ANXA2: variants seen among roughly 807,000 people sequenced by gnomAD.
ANXA2 encodes the protein annexin II.
A neutral mutation model predicts 47.3 loss-of-function variants in ANXA2; 28 were observed. The ratio of observed to expected loss-of-function variants is 0.59; its 90% CI spans 0.44 to 0.81. ANXA2 has a LOEUF of 0.81. ANXA2 is among the 40% of genes least tolerant of loss of function. The pLI, the probability that ANXA2 is intolerant of heterozygous loss-of-function variation, is 0.00. For missense variants in ANXA2, 384 were observed against 414.3 expected (o/e 0.93, Z 0.64); for synonymous variants, 172 against 155.5 (o/e 1.11, Z -0.79).
At chr15:60,354,746 A>G (rs2085037) in intron 7 of ANXA2, among the ~76,000 whole-genome samples, 120,094 of 151,952 alleles carry the variant, frequency 0.79, 47,896 homozygotes, top group African/African-American at 0.87. Context: ...CCCCCCCTTG[A>G]TACCCAGTCC....
At chr15:60,355,555 CA>C in intron 7 of ANXA2, 2 of 354,336 alleles carry the variant, frequency 5.6e-6, no homozygotes, top group East Asian at 1.4e-4. Context: ...GAAGTAAACG[CA>C]GTGAAAAAGA....
intron 5 of ANXA2, among the ~76,000 whole-genome samples, chr15:60,359,675 T>C (rs956879429): frequency 6.6e-6 from 1 of 152,192 alleles, no homozygotes; most frequent in African/African-American, 2.4e-5. Context: ...CCCTCACTCT[T>C]GTGTTCTCTG....
chr15:60,366,354 A>C (rs1279176427), intron 3 of ANXA2, among the ~76,000 whole-genome samples: 3 of 143,074 alleles, frequency 2.1e-5, no homozygotes, highest in African/African-American at 8.0e-5. Context: ...CCAGTCTGGA[A>C]AGTGAGGAGC....
intron 4 of ANXA2, 110 bp from the exon 5 acceptor site, chr15:60,361,164 C>T: frequency 1.3e-6 from 1 of 758,740 alleles, no homozygotes; most frequent in Non-Finnish European, 2.3e-6. Flanking sequence ...AGTCTTTGAC[C>T]ACTCCGGAGT....
At chr15:60,354,066 C>T (rs192805338) in intron 8 of ANXA2, 88 bp downstream of exon 8, 1 of 1,022,064 alleles carries the variant, frequency 9.8e-7, no homozygotes, top group African/African-American at 1.6e-5. Flanking sequence ...GTTTGGGAGT[C>T]ATTTGTCACA....
intron 3 of ANXA2, among the ~76,000 whole-genome samples, chr15:60,378,881 G>C (rs1438214178): frequency 6.6e-6 from 1 of 152,050 alleles, no homozygotes; most frequent in African/African-American, 2.4e-5. Flanking sequence ...CATGAGAATA[G>C]CTTGAACCCA....
intron 3 of ANXA2, among the ~76,000 whole-genome samples, chr15:60,381,706 T>TA (rs899530024): frequency 1.6e-4 from 24 of 151,500 alleles, no homozygotes; most frequent in African/African-American, 4.4e-4. Flanking sequence ...TACCGGGGTT[T>TA]AAAAAAAACA....
At position 60,357,050 on chromosome 15, in the gene ANXA2, A is replaced by G. The variant is rs1331093241; in HGVS notation, c.448+96T>C. 7.2e-6 allele frequency: 8 copies of G among 1,106,486 alleles called. No homozygotes were observed. The African/African-American group carries it at 1.2e-4, about 17-fold the overall frequency. The allele number at this position is 1,106,486 out of a possible 1,614,324, so 68.5% of individuals were successfully genotyped here. On this transcript the variant is annotated intron_variant, in intron 6 of 12. Coordinates refer to ENST00000451270, the MANE Select transcript of ANXA2 (RefSeq NM_004039.3). ...TGGCAGGCACTTCTGCACATCACTAATGCAGGCATCTTAGCCCGAACCCTA... is the reference window on the plus strand; with the variant it reads ...TGGCAGGCACTTCTGCACATCACTAGTGCAGGCATCTTAGCCCGAACCCTA...
chr15:60,397,779 C>T (rs1386117652), intron 1 of ANXA2, 164 bp downstream of exon 1: 8 of 1,194,326 alleles, frequency 6.7e-6, no homozygotes, highest in African/African-American at 1.6e-5. Context: ...GAGCCCCCTC[C>T]CCAAAGACTC....
At chr15:60,395,127 G>A (rs2063064363) in intron 1 of ANXA2, among the ~76,000 whole-genome samples, 1 of 152,304 alleles carries the variant, frequency 6.6e-6, no homozygotes, top group East Asian at 1.9e-4. Context: ...GGAACAGCTG[G>A]ATTAAAGGGG....
chr15:60,391,685 GAAAATAA>G (rs2063013186), intron 1 of ANXA2, among the ~76,000 whole-genome samples: 1 of 152,072 alleles, frequency 6.6e-6, no homozygotes, highest in Non-Finnish European at 1.5e-5. Context: ...TGTTTTGAAT[GAAAATAA>G]AAAATAAAGC....
chr15:60,365,845 T>TCCCCCC (rs2062587979), intron 3 of ANXA2, among the ~76,000 whole-genome samples: 1 of 56,728 alleles, frequency 1.8e-5, no homozygotes. Flanking sequence ...TCCCTCTCCC[T>TCCCCCC]CTCCCCCTCC....
At chr15:60,359,866 G>C (rs566974332) in intron 5 of ANXA2, among the ~76,000 whole-genome samples, 5 of 152,274 alleles carry the variant, frequency 3.3e-5, no homozygotes, top group African/African-American at 1.2e-4. Flanking sequence ...GGGCAGTGTC[G>C]GACTGTTCAA....
At chr15:60,370,275 G>A (rs1012955037) in intron 3 of ANXA2, among the ~76,000 whole-genome samples, 1 of 152,164 alleles carries the variant, frequency 6.6e-6, no homozygotes, top group Non-Finnish European at 1.5e-5. Flanking sequence ...GCCAGCAGAA[G>A]ATTCCCCTCC....
chr15:60,359,115 C>A (rs1195361752), intron 5 of ANXA2, among the ~76,000 whole-genome samples: 3 of 152,106 alleles, frequency 2.0e-5, no homozygotes, highest in East Asian at 3.9e-4. Context: ...AATGTCACTT[C>A]AAGCTTTATG....
rs868328184 is a variant in ANXA2 at position 60,367,112 on chromosome 15, G to T, written c.149-2589C>A. On this transcript the variant is annotated intron_variant, in intron 3 of 12. Transcript: ENST00000451270. ...GCCTGGCCAGCCGCCCCATCCGGGA[G>T]GGAGGTGGGGGGGTCAGCCCCCCGC... Among the ~76,000 whole-genome samples the T allele has an allele frequency of 2.2e-4, 6 of 27,158 alleles. 1 individual carries two copies. The highest frequency in any genetic ancestry group is 1.0e-3 in the African/African-American group (6 of 5,940). The allele number at this position is 27,158 out of a possible 152,430, so 17.8% of individuals were successfully genotyped here.
intron 5 of ANXA2, among the ~76,000 whole-genome samples, chr15:60,357,731 T>C (rs994126118): frequency 2.0e-5 from 3 of 151,676 alleles, no homozygotes; most frequent in Non-Finnish European, 4.4e-5. Flanking sequence ...GAGGTGGAGC[T>C]TGCAGTGAGC....
intron 5 of ANXA2, 101 bp downstream of exon 5, chr15:60,360,840 A>G: frequency 1.3e-6 from 1 of 752,112 alleles, no homozygotes; most frequent in South Asian, 1.6e-5. Context: ...GTTCCAAATG[A>G]GAATTCAACA....
chr15:60,361,186 C>T (rs142747155), intron 4 of ANXA2, 132 bp from the exon 5 acceptor site: 8 of 672,166 alleles, frequency 1.2e-5, no homozygotes, highest in African/African-American at 1.1e-4. Context: ...TTGGGTCAAA[C>T]GCCCTCAACT....
Sources: allele counts gnomAD v4.1 joint callset (sites outside exome capture counted in the v4.1 genomes callset), GRCh38; gene constraint gnomAD v4.1.1; transcripts MANE v1.5; gene names NCBI Gene and HGNC (gene_info 2026-07-23, HGNC 2026-07-21).